CDH18: variants seen among roughly 807,000 people sequenced by gnomAD.
CDH18 encodes the protein cadherin-18.
A neutral mutation model predicts 67.9 loss-of-function variants in CDH18; 31 were observed. That is an observed-to-expected ratio of 0.46 (90% CI 0.34 to 0.62). The LOEUF is 0.62. CDH18 is among the 20% of genes least tolerant of loss of function. The pLI is 0.01. For synonymous variants in CDH18, 362 were observed against 347.2 expected (o/e 1.04, Z -0.48); for missense variants, 890 against 975.5 (o/e 0.91, Z 1.17).
intron 2 of CDH18, among the ~76,000 whole-genome samples, chr5:19,869,033 A>G (rs1052065748): frequency 6.6e-6 from 1 of 152,214 alleles, no homozygotes; most frequent in Non-Finnish European, 1.5e-5. Flanking sequence ...AATAAGTAGA[A>G]GTGACAGAGC....
chr5:20,044,972 A>T (rs1740782752), intron 2 of CDH18, among the ~76,000 whole-genome samples: 1 of 152,236 alleles, frequency 6.6e-6, no homozygotes, highest in East Asian at 1.9e-4. Context: ...CTCATTGAAA[A>T]TTGTATTCTA....
intron 2 of CDH18, among the ~76,000 whole-genome samples, chr5:20,058,728 G>A (rs753666000): frequency 1.3e-4 from 20 of 152,190 alleles, no homozygotes; most frequent in Non-Finnish European, 2.5e-4. Flanking sequence ...TAATTGTGAT[G>A]TGAATTTGTT....
At chr5:20,223,522 T>C (rs763226159) in intron 2 of CDH18, among the ~76,000 whole-genome samples, 1 of 151,978 alleles carries the variant, frequency 6.6e-6, no homozygotes, top group South Asian at 2.1e-4. Context: ...GAAGGCATGA[T>C]TGGTTTTGAA....
At chr5:20,556,279 G>A (rs1354133926) in intron 1 of CDH18, among the ~76,000 whole-genome samples, 3 of 152,138 alleles carry the variant, frequency 2.0e-5, no homozygotes, top group Non-Finnish European at 4.4e-5. Flanking sequence ...GTGCTCAGCA[G>A]ATCTAAAAGG....
At chr5:20,037,893 C>CA (rs1265792674) in intron 2 of CDH18, among the ~76,000 whole-genome samples, 1 of 151,758 alleles carries the variant, frequency 6.6e-6, no homozygotes, top group Non-Finnish European at 1.5e-5. Context: ...AAAAACCCTT[C>CA]AAAAAATCAA....
intron 1 of CDH18, among the ~76,000 whole-genome samples, chr5:20,416,215 A>T (rs1747296236): frequency 6.6e-6 from 1 of 152,176 alleles, no homozygotes; most frequent in East Asian, 1.9e-4. Context: ...ACTTAATCTT[A>T]TTGTAGTTAA....
At chr5:20,112,796 T>C (rs1747590976) in intron 2 of CDH18, among the ~76,000 whole-genome samples, 2 of 152,224 alleles carry the variant, frequency 1.3e-5, no homozygotes, top group Admixed American at 1.3e-4. Flanking sequence ...ATACATTACA[T>C]CCACATTCAT....
chr5:20,255,180 C>A (rs563037022), intron 2 of CDH18, among the ~76,000 whole-genome samples: 52 of 152,218 alleles, frequency 3.4e-4, no homozygotes, highest in African/African-American at 1.2e-3. Context: ...GGTACAATAT[C>A]ACTACCTGGG....
intron 1 of CDH18, among the ~76,000 whole-genome samples, chr5:20,453,520 A>C (rs978612712): frequency 2.0e-5 from 3 of 151,948 alleles, no homozygotes; most frequent in Admixed American, 1.3e-4. Flanking sequence ...CCTATCAATC[A>C]ATCAACCTGT....
intron 2 of CDH18, among the ~76,000 whole-genome samples, chr5:20,177,515 G>A (rs1737331029): frequency 6.6e-6 from 1 of 151,772 alleles, no homozygotes; most frequent in East Asian, 1.9e-4. Flanking sequence ...GAGTTGTGAT[G>A]GTTAATTTTA....
chr5:20,095,431 G>GAAAGAAAGA lies in CDH18; in HGVS notation c.-517-103426_-517-103418dup, dbSNP rs1745861202. Among the ~76,000 whole-genome samples, 15 of 119,956 alleles carry GAAAGAAAGA rather than the reference G, an allele frequency of 1.3e-4. No homozygotes were observed. The Admixed American group carries it at 1.3e-3, about 10-fold the overall frequency. The allele number at this position is 119,956 out of a possible 152,430, so 78.7% of individuals were successfully genotyped here. A position where few individuals can be genotyped will look rare whatever the true frequency, so the allele number is the denominator to read the frequency against. ...AGAAAGAAAGAAAGAAAGAAAGAAA[G>GAAAGAAAGA]AAAGAAAGAAAGAAAAGAAAGAAAG... On this transcript the variant is annotated intron_variant, in intron 2 of 14. Transcript: ENST00000507958.
In CDH18 at chr5:20,486,377, A is replaced by C. The variant is rs533023394; in HGVS notation, c.-580+89085T>G. 6.2e-4 allele frequency among the ~76,000 whole-genome samples: 95 copies of C among 152,298 alleles called. 1 individual carries two copies. The highest frequency in any genetic ancestry group is 2.3e-3 in the African/African-American group (94 of 41,574). Reference sequence around the variant, plus strand: ...GTTTCACTCAATATATGCAACAATAAATATAATACATATTATGTATATGCT... The same window carrying C: ...GTTTCACTCAATATATGCAACAATACATATAATACATATTATGTATATGCT... On this transcript the variant is annotated intron_variant, in intron 1 of 14. Transcript: ENST00000507958.
chr5:20,114,856 A>C (rs557671145), intron 2 of CDH18, among the ~76,000 whole-genome samples: 1 of 152,274 alleles, frequency 6.6e-6, no homozygotes, highest in Admixed American at 6.5e-5. Flanking sequence ...GCAAGAAATT[A>C]AGAATATAAA....
Position 19,472,713 on chromosome 5 carries a change from T to C in CDH18, c.*513A>G, listed in dbSNP as rs1414234572. ...TAGAGTGGAAATACCTCATGTAATA[T>C]AAACACAAGACAAGGCTAATGAGAT... On this transcript the variant is annotated 3_prime_UTR_variant, in exon 13 of 13. Coordinates refer to ENST00000382275, the MANE Select transcript of CDH18 (RefSeq NM_004934.5). Among the ~76,000 whole-genome samples, 1 of 152,090 alleles carries C rather than the reference T, an allele frequency of 6.6e-6. No homozygotes were observed. The highest frequency in any genetic ancestry group is 2.4e-5 in the African/African-American group (1 of 41,418).
At chr5:19,506,232 C>T (rs1311853240) in intron 10 of CDH18, among the ~76,000 whole-genome samples, 3 of 152,132 alleles carry the variant, frequency 2.0e-5, no homozygotes, top group Admixed American at 6.6e-5. Flanking sequence ...AGGAGAACTA[C>T]AAACCACTGC....
At chr5:20,469,540 G>T (rs1336590610) in intron 1 of CDH18, among the ~76,000 whole-genome samples, 1 of 152,096 alleles carries the variant, frequency 6.6e-6, no homozygotes, top group Non-Finnish European at 1.5e-5. Flanking sequence ...TCACAAGTTT[G>T]CTGTAACGGA....
intron 3 of CDH18, among the ~76,000 whole-genome samples, chr5:19,836,136 C>T (rs1781597487): frequency 6.6e-6 from 1 of 152,060 alleles, no homozygotes; most frequent in Non-Finnish European, 1.5e-5. Flanking sequence ...AAGAAATATG[C>T]ATCATAAAAT....
chr5:19,792,768 T>C (rs1204131094), intron 3 of CDH18, among the ~76,000 whole-genome samples: 1 of 152,164 alleles, frequency 6.6e-6, no homozygotes, highest in African/African-American at 2.4e-5. Flanking sequence ...TATCAGAATA[T>C]AGACTTATAA....
chr5:20,343,911 A>G (rs1276729890), intron 1 of CDH18, among the ~76,000 whole-genome samples: 1 of 152,196 alleles, frequency 6.6e-6, no homozygotes, highest in East Asian at 1.9e-4. Context: ...GAGGATGGGT[A>G]AAATAACCAA....
Sources: gnomAD v4.1 joint callset for allele counts (sites outside exome capture counted in the v4.1 genomes callset) on GRCh38, gnomAD v4.1.1 for gene constraint, MANE v1.5 for transcripts, NCBI Gene and HGNC (gene_info 2026-07-23, HGNC 2026-07-21) for gene names.